The following DOCK10 variants were observed in gnomAD, a reference collection of about 807,000 sequenced individuals.
DOCK10 encodes dedicator of cytokinesis protein 10.
DOCK10 carries 145 observed loss-of-function variants against 280.1 expected under a neutral mutation model. That is an observed-to-expected ratio of 0.52 (90% CI 0.45 to 0.59). DOCK10 has a LOEUF of 0.59. Among genes scored for constraint, DOCK10 ranks in the 20% least tolerant of loss-of-function variants. The pLI is 0.00. For missense variants in DOCK10, 2,368 were observed against 2,651.7 expected (o/e 0.89, Z 2.35); for synonymous variants, 915 against 942.2 (o/e 0.97, Z 0.53).
At chr2:224,863,564 T>C (rs1009702866) in intron 13 of DOCK10, among the ~76,000 whole-genome samples, 1 of 152,148 alleles carries the variant, frequency 6.6e-6, no homozygotes, top group Non-Finnish European at 1.5e-5. Flanking sequence ...GCCATTCTCC[T>C]GCCTCAGCCT....
chr2:224,831,374 C>T (rs1574900523), intron 26 of DOCK10, among the ~76,000 whole-genome samples: 2 of 152,156 alleles, frequency 1.3e-5, no homozygotes, highest in South Asian at 2.1e-4. Context: ...TATGTTTGAT[C>T]CTCCTACCTC....
Position 224,839,947 on chromosome 2 carries a change from T to C in DOCK10, c.2780+7A>G, listed in dbSNP as rs1695847291. 2.2e-6 allele frequency: 3 copies of C among 1,358,214 alleles called. No homozygotes were observed. Among genetic ancestry groups the C allele is most frequent in the Non-Finnish European group, 3.1e-6 (3 of 977,462 alleles). The allele number at this position is 1,358,214 out of a possible 1,614,324, so 84.1% of individuals were successfully genotyped here. Reference sequence around the variant, plus strand: ...AGTCTCTCCTCTTAAGGTTGTGTTATGGATACCTGGTGACAGTTGTAGTTA... The same window carrying C: ...AGTCTCTCCTCTTAAGGTTGTGTTACGGATACCTGGTGACAGTTGTAGTTA... On this transcript the variant is annotated splice_region_variant and intron_variant, in intron 24 of 55. Transcript: ENST00000258390.
intron 1 of DOCK10, among the ~76,000 whole-genome samples, chr2:225,011,098 A>G (rs1002834239): frequency 6.6e-6 from 1 of 152,266 alleles, no homozygotes; most frequent in Non-Finnish European, 1.5e-5. Context: ...TTGATATGAT[A>G]TCTATCATAG....
At chr2:225,032,310 A>G (rs943699064) in intron 1 of DOCK10, among the ~76,000 whole-genome samples, 1 of 152,194 alleles carries the variant, frequency 6.6e-6, no homozygotes, top group South Asian at 2.1e-4. Context: ...ACATTTTTCA[A>G]ATTGATTGGA....
At chr2:224,835,363 G>A (rs563959429) in intron 25 of DOCK10, among the ~76,000 whole-genome samples, 1 of 152,300 alleles carries the variant, frequency 6.6e-6, no homozygotes, top group East Asian at 1.9e-4. Flanking sequence ...ACCCATCAGT[G>A]CTACAAATCA....
At chr2:224,932,782 C>A (rs946017818) in intron 1 of DOCK10, among the ~76,000 whole-genome samples, 5 of 152,204 alleles carry the variant, frequency 3.3e-5, no homozygotes, top group Non-Finnish European at 5.9e-5. Context: ...TTAGCTTTGA[C>A]TCCTAAGGCT....
chr2:224,781,505 A>G (rs1233887750), intron 50 of DOCK10, among the ~76,000 whole-genome samples: 1 of 152,192 alleles, frequency 6.6e-6, no homozygotes, highest in Non-Finnish European at 1.5e-5. Flanking sequence ...TGAGCTACAG[A>G]CACTATCTGA....
intron 1 of DOCK10, among the ~76,000 whole-genome samples, chr2:225,035,534 G>GATATATATGTTATATATATATATAT (rs1187529768): frequency 1.7e-5 from 1 of 58,202 alleles, no homozygotes; most frequent in African/African-American, 6.0e-5. Context: ...TATATGATAT[G>GATATATATGTTATATATATATATAT]ATATATATTA....
intron 1 of DOCK10, among the ~76,000 whole-genome samples, chr2:225,028,958 G>A (rs1187014338): frequency 6.6e-6 from 1 of 152,118 alleles, no homozygotes; most frequent in Non-Finnish European, 1.5e-5. Context: ...GTGCTCTATT[G>A]GGTTTAAGGC....
intron 1 of DOCK10, among the ~76,000 whole-genome samples, chr2:225,029,328 C>T (rs1260044018): frequency 1.3e-5 from 2 of 152,170 alleles, no homozygotes; most frequent in African/African-American, 4.8e-5. Flanking sequence ...TGTACCACCA[C>T]AGTTGGCTAA....
In DOCK10 at chr2:224,801,977, A is replaced by G. The variant is rs1360823561; in HGVS notation, c.4332T>C (p.Ile1444=). The G allele has an allele frequency of 6.2e-7, 1 of 1,613,176 alleles. No individual in the cohort carries two copies. Among genetic ancestry groups the G allele is most frequent in the Admixed American group, 1.7e-5 (1 of 59,934 alleles). Residue 1444 remains isoleucine (I), a synonymous_variant, in exon 40 of 56, where the codon ATT becomes ATC. Transcript: ENST00000258390. ...KQHRSQTLPI[I]RGKNALSNPK... ...GGTTAGAAAGTGCATTTTTGCCTCG[A>G]ATTATAGGTAAAGTTTGTGATCTGT... is the stretch of plus-strand genomic sequence containing the variant.
chr2:224,836,756 C>T (rs1199581285), intron 25 of DOCK10, among the ~76,000 whole-genome samples: 2 of 152,036 alleles, frequency 1.3e-5, no homozygotes, highest in East Asian at 1.9e-4. Context: ...CCCACCACCA[C>T]GCCTGGCTAA....
rs1696862631 is a variant in DOCK10 at position 224,853,080 on chromosome 2, A to G, written c.1931T>C (p.Met644Thr). 1 of 1,608,896 alleles carries G rather than the reference A, an allele frequency of 6.2e-7. No individual in the cohort carries two copies. Among genetic ancestry groups the G allele is most frequent in the Non-Finnish European group, 8.5e-7 (1 of 1,176,744 alleles). ...SSFIPVKPFN[M>T]MAQTEPTVEV... The stretch of plus-strand genomic sequence containing the variant: ...CACTGTGGGTTCTGTTTGAGCCATC[A>G]TGTTGAAAGGCTTGACAGGGATAAA... Residue 644 changes from methionine to threonine, a missense_variant, in exon 17 of 56, where the codon ATG becomes ACG. Transcript: ENST00000258390.
At chr2:224,831,549 C>T (rs1022319739) in intron 26 of DOCK10, among the ~76,000 whole-genome samples, 3 of 152,190 alleles carry the variant, frequency 2.0e-5, no homozygotes, top group Admixed American at 6.5e-5. Flanking sequence ...AGCTTCAAAA[C>T]TTATGTCACC....
intron 1 of DOCK10, among the ~76,000 whole-genome samples, chr2:224,977,095 A>G (rs1055403274): frequency 5.3e-5 from 8 of 152,184 alleles, no homozygotes; most frequent in African/African-American, 1.9e-4. Flanking sequence ...TCACCTTCCC[A>G]ACTCACCGCA....
chr2:224,991,200 C>T (rs766755702), intron 1 of DOCK10, among the ~76,000 whole-genome samples: 1 of 152,080 alleles, frequency 6.6e-6, no homozygotes. Context: ...GCTGAGGCTG[C>T]ATACATAGGG....
intron 3 of DOCK10, among the ~76,000 whole-genome samples, chr2:224,907,247 C>G (rs1700703470): frequency 6.6e-6 from 1 of 152,142 alleles, no homozygotes; most frequent in African/African-American, 2.4e-5. Flanking sequence ...ACTTCAAACT[C>G]TGAGAGTAAC....
chr2:224,852,168 C>T (rs549390281), intron 18 of DOCK10, among the ~76,000 whole-genome samples: 2 of 152,010 alleles, frequency 1.3e-5, no homozygotes, highest in African/African-American at 4.8e-5. Flanking sequence ...TTTCCCAAGT[C>T]GTGAAAAGCT....
chr2:224,956,035 A>G (rs891597765), intron 1 of DOCK10, among the ~76,000 whole-genome samples: 1 of 152,260 alleles, frequency 6.6e-6, no homozygotes, highest in African/African-American at 2.4e-5. Context: ...TACACATAAA[A>G]CACAAAAGGC....
Sources: gnomAD v4.1 joint callset for allele counts (sites outside exome capture counted in the v4.1 genomes callset) on GRCh38, gnomAD v4.1.1 for gene constraint, MANE v1.5 for transcripts, NCBI Gene and HGNC (gene_info 2026-07-23, HGNC 2026-07-21) for gene names.